Variants in HPSE2 observed in about 807,000 individuals in gnomAD.
HPSE2 encodes heparanase 2 (inactive).
A neutral mutation model predicts 60.5 loss-of-function variants in HPSE2; 38 were observed. That is an observed-to-expected ratio of 0.63 (90% CI 0.48 to 0.82). The LOEUF (loss-of-function observed/expected upper bound fraction) is 0.82. HPSE2 is among the 40% of genes least tolerant of loss of function. The pLI, the probability that HPSE2 is intolerant of heterozygous loss-of-function variation, is 0.00. For synonymous variants in HPSE2, 295 were observed against 293.2 expected, an observed-to-expected ratio of 1.01 and a Z score of -0.06; for missense variants, 713 against 740.4, an observed-to-expected ratio of 0.96 and a Z score of 0.43.
intron 9 of HPSE2, among the ~76,000 whole-genome samples, chr10:98,576,829 A>T (rs572731805): frequency 5.9e-5 from 9 of 151,564 alleles, no homozygotes; most frequent in Admixed American, 5.3e-4. Context: ...TTGGATTTTC[A>T]ATTGCTAATT....
At chr10:98,701,551 C>T (rs1464839630) in intron 5 of HPSE2, among the ~76,000 whole-genome samples, 2 of 150,612 alleles carry the variant, frequency 1.3e-5, no homozygotes, top group Non-Finnish European at 3.0e-5. Context: ...AATGATGAGT[C>T]AATGGGTGCA....
At chr10:98,983,771 G>A (rs888719048) in intron 3 of HPSE2, among the ~76,000 whole-genome samples, 34 of 152,180 alleles carry the variant, frequency 2.2e-4, no homozygotes, top group African/African-American at 7.7e-4. Flanking sequence ...GACGGCACCT[G>A]GAAAATCGGG....
intron 3 of HPSE2, among the ~76,000 whole-genome samples, chr10:98,959,967 T>G (rs1955609130): frequency 6.6e-6 from 1 of 152,112 alleles, no homozygotes; most frequent in African/African-American, 2.4e-5. Context: ...GGAATATCCT[T>G]GCCTCAGATT....
intron 9 of HPSE2, among the ~76,000 whole-genome samples, chr10:98,561,168 C>T (rs551095): frequency 0.86 from 125,983 of 147,112 alleles, 54,787 homozygotes; most frequent in East Asian, 1. Flanking sequence ...TTTTTTTGTT[C>T]TTTTTTTTGT....
chr10:98,702,958 AT>A (rs1175727916), intron 5 of HPSE2, among the ~76,000 whole-genome samples: 2 of 152,156 alleles, frequency 1.3e-5, no homozygotes, highest in African/African-American at 4.8e-5. Flanking sequence ...AGATAGATGC[AT>A]GAAAAACCCT....
At chr10:98,760,123 G>T (rs961833390) in intron 3 of HPSE2, among the ~76,000 whole-genome samples, 4 of 151,892 alleles carry the variant, frequency 2.6e-5, no homozygotes, top group Admixed American at 2.6e-4. Flanking sequence ...TTTGTATGTT[G>T]ATTTTATATC....
chr10:98,845,387 G>T (rs1392935467), intron 3 of HPSE2, among the ~76,000 whole-genome samples: 1 of 152,196 alleles, frequency 6.6e-6, no homozygotes, highest in African/African-American at 2.4e-5. Context: ...TGACATCCTT[G>T]ATGGTGTCTG....
chr10:98,841,899 C>T lies in HPSE2; in HGVS notation c.611-97843G>A, dbSNP rs113938033. Among the ~76,000 whole-genome samples, 765 of 151,890 alleles carry T rather than the reference C, an allele frequency of 5.0e-3. 4 individuals carry two copies. The highest frequency in any genetic ancestry group is 8.3e-3 in the Non-Finnish European group (567 of 67,926). ...TCAACTCGCTGCAACTTCTGCCTCC[C>T]GGGTTCAAGCAATTCTCCTGCCTCA... On this transcript the variant is annotated intron_variant, in intron 3 of 11. Coordinates refer to ENST00000370552, the MANE Select transcript of HPSE2 (RefSeq NM_021828.5).
chr10:99,185,723 G>A (rs1467373418), intron 2 of HPSE2, among the ~76,000 whole-genome samples: 3 of 151,292 alleles, frequency 2.0e-5, no homozygotes, highest in Non-Finnish European at 4.4e-5. Flanking sequence ...GCAGTAAGCC[G>A]AGATTGCACC....
chr10:98,963,129 C>G (rs1955723168), intron 3 of HPSE2, among the ~76,000 whole-genome samples: 1 of 152,242 alleles, frequency 6.6e-6, no homozygotes, highest in South Asian at 2.1e-4. Flanking sequence ...TCATTACTCA[C>G]TATTTAAATA....
intron 2 of HPSE2, among the ~76,000 whole-genome samples, chr10:99,163,359 A>C (rs574260157): frequency 6.6e-6 from 1 of 152,316 alleles, no homozygotes; most frequent in South Asian, 2.1e-4. Context: ...TATTTAAAGA[A>C]ATAAAATAGT....
intron 3 of HPSE2, among the ~76,000 whole-genome samples, chr10:98,992,031 G>T (rs1398439186): frequency 2.6e-5 from 4 of 152,146 alleles, no homozygotes; most frequent in Admixed American, 2.6e-4. Flanking sequence ...ATGTAGAAAT[G>T]AATCAATTGC....
At chr10:98,595,363 G>A (rs529918226) in intron 9 of HPSE2, among the ~76,000 whole-genome samples, 1 of 151,734 alleles carries the variant, frequency 6.6e-6, no homozygotes, top group East Asian at 1.9e-4. Context: ...GTAGAGATGG[G>A]GTTTCACTGT....
At chr10:98,776,125 C>T (rs897489876) in intron 3 of HPSE2, among the ~76,000 whole-genome samples, 15 of 152,024 alleles carry the variant, frequency 9.9e-5, no homozygotes, top group Non-Finnish European at 1.6e-4. Flanking sequence ...CATTTCTTCC[C>T]GGGGAGCTTT....
At chr10:98,870,275 C>A (rs1015261803) in intron 3 of HPSE2, among the ~76,000 whole-genome samples, 4 of 152,174 alleles carry the variant, frequency 2.6e-5, no homozygotes, top group African/African-American at 9.7e-5. Flanking sequence ...GCAACCAAAG[C>A]AGCTGAGATG....
intron 2 of HPSE2, among the ~76,000 whole-genome samples, chr10:99,162,109 T>C (rs532055298): frequency 1.3e-5 from 2 of 152,320 alleles, no homozygotes; most frequent in South Asian, 2.1e-4. Context: ...ATGGTGGCAA[T>C]GGTTTGTAAA....
At chr10:98,724,254 T>G (rs1949008773) in intron 4 of HPSE2, among the ~76,000 whole-genome samples, 1 of 152,190 alleles carries the variant, frequency 6.6e-6, no homozygotes, top group South Asian at 2.1e-4. Flanking sequence ...GGTTGTTCAG[T>G]TTCCATGTAG....
chr10:99,047,710 T>C (rs538310835), intron 3 of HPSE2: 4 of 845,882 alleles, frequency 4.7e-6, no homozygotes, highest in East Asian at 2.4e-5. Flanking sequence ...AGTGAAGGAA[T>C]TTCACAGAGC....
intron 3 of HPSE2, among the ~76,000 whole-genome samples, chr10:98,937,319 T>A (rs1440260703): frequency 7.0e-6 from 1 of 143,884 alleles, no homozygotes. Context: ...AGTCGGGGAG[T>A]TCCCTTTCCT....
Sources: allele counts gnomAD v4.1 joint callset (sites outside exome capture counted in the v4.1 genomes callset), GRCh38; gene constraint gnomAD v4.1.1; transcripts MANE v1.5; gene names NCBI Gene and HGNC (gene_info 2026-07-23, HGNC 2026-07-21).